The following RHCG variants were observed in gnomAD, a reference collection of about 807,000 sequenced individuals.
RHCG encodes the protein Rh family C glycoprotein, also known as ammonium transporter Rh type C.
Under a neutral mutation model 55.3 loss-of-function variants are expected in RHCG, and 39 were observed. The observed-to-expected ratio is 0.70, with a 90% CI of 0.55 to 0.92. The LOEUF is 0.92. Ranked by LOEUF, RHCG falls within the 40% of genes least tolerant of loss-of-function variation. RHCG has a pLI of 0.00. For missense variants in RHCG, 635 were observed against 627.9 expected (o/e 1.01, Z -0.12); for synonymous variants, 250 against 246.8 (o/e 1.01, Z -0.12).
In RHCG at chr15:89,483,192, C is replaced by T; in HGVS notation, c.397G>A (p.Ala133Thr). The stretch of plus-strand genomic sequence containing the variant: ...GCCCCAAAGGCCACGCAGACAGAGG[C>T]CACGCAGAAGTCAGCGTTGATGAGG... ...ENLINADFCV[A>T]SVCVAFGAVL... Residue 133 changes from alanine (A) to threonine (T), a missense_variant, in exon 3 of 11, where the codon GCC becomes ACC. Ala to Thr is a moderately conservative substitution (Grantham distance 58). Transcript: ENST00000268122. 1.3e-6 allele frequency: 2 copies of T among 1,584,166 alleles called. No individual in the cohort carries two copies. The highest frequency in any genetic ancestry group is 1.7e-6 in the Non-Finnish European group (2 of 1,155,954).
intron 1 of RHCG, among the ~76,000 whole-genome samples, chr15:89,487,266 T>G (rs1961393211): frequency 6.7e-6 from 1 of 149,970 alleles, no homozygotes; most frequent in Non-Finnish European, 1.5e-5. Flanking sequence ...CCTTAGCCTA[T>G]TTAAACCACT....
chr15:89,483,369 G>A (rs1385606440), intron 2 of RHCG, 152 bp from the exon 3 acceptor site: 2 of 659,210 alleles, frequency 3.0e-6, no homozygotes, highest in Non-Finnish European at 4.8e-6. Flanking sequence ...CTAACATTTA[G>A]AGCTACTCCA....
At chr15:89,478,933 A>T (rs1961208309) in intron 5 of RHCG, among the ~76,000 whole-genome samples, 1 of 152,114 alleles carries the variant, frequency 6.6e-6, no homozygotes, top group South Asian at 2.1e-4. Context: ...TCTACTAAAA[A>T]TACAAAAATT....
intron 2 of RHCG, chr15:89,486,558 G>C (rs954956137): frequency 1.8e-6 from 1 of 544,512 alleles, no homozygotes; most frequent in Non-Finnish European, 3.4e-6. Flanking sequence ...GAGAGAGAGA[G>C]AGAGACAGAG....
chr15:89,487,577 A>G (rs1233943539), intron 1 of RHCG, among the ~76,000 whole-genome samples: 1 of 152,064 alleles, frequency 6.6e-6, no homozygotes, highest in South Asian at 2.1e-4. Flanking sequence ...TCACATCCCC[A>G]TATCCCACCA....
chr15:89,478,050 G>A, intron 5 of RHCG, 76 bp from the exon 6 acceptor site: 4 of 1,527,150 alleles, frequency 2.6e-6, no homozygotes, highest in Non-Finnish European at 3.5e-6. Flanking sequence ...CTCACTTGCT[G>A]GCTGTGCAAG....
chr15:89,477,517 C>A lies in RHCG; in HGVS notation c.1112G>T (p.Gly371Val). Reference protein sequence around the residue: ...SASLEVYGKEGLVHSFDFQGF... With the variant: ...SASLEVYGKEVLVHSFDFQGF... ...CCCACCGCACCTCCTCCACATTTAC[C>A]CTTCTTTTCCATAGACTTCAAGGCT... The change falls in exon 7 of 11, where the codon GGG (glycine) becomes GTG (valine). Residue 371 changes from glycine to valine, a missense_variant and splice_region_variant. Coordinates refer to ENST00000268122, the MANE Select transcript of RHCG (RefSeq NM_016321.3). The surrounding 1 kb of genome is among the most constrained non-coding windows in gnomAD (Gnocchi z 4.5). 6.2e-7 allele frequency: 1 copy of A among 1,613,976 alleles called. No homozygotes were observed.
In RHCG at chr15:89,477,323, G is replaced by T; in HGVS notation, c.1113-117C>A. 1 of 1,458,526 alleles carries T rather than the reference G, an allele frequency of 6.9e-7. No homozygotes were observed. The highest frequency in any genetic ancestry group is 9.4e-7 in the Non-Finnish European group (1 of 1,062,442). The allele number at this position is 1,458,526 out of a possible 1,614,324, so 90.3% of individuals were successfully genotyped here. On this transcript the variant is annotated intron_variant, in intron 7 of 10. Coordinates refer to ENST00000268122, the MANE Select transcript of RHCG (RefSeq NM_016321.3). This position sits in a 1 kb window ranked among gnomAD's most constrained non-coding sequence, Gnocchi z 4.5. ...CCTCAGCCTTCCCACCCACAACATG[G>T]GGACACCGGACATATCAGTTGGCCT...
At chr15:89,486,599 A>AGAGAGAGAGT in intron 2 of RHCG, 200 bp downstream of exon 2, 18 of 264,490 alleles carry the variant, frequency 6.8e-5, no homozygotes, top group African/African-American at 5.9e-4. Context: ...AGAGAGAGAG[A>AGAGAGAGAGT]GTGTGTGTGT....
intron 1 of RHCG, among the ~76,000 whole-genome samples, chr15:89,492,056 T>A (rs909181542): frequency 7.9e-6 from 1 of 126,024 alleles, no homozygotes; most frequent in African/African-American, 3.1e-5. Context: ...AAGGTTGCAT[T>A]GGGTTGGCAA....
At position 89,480,377 on chromosome 15, in the gene RHCG, TG is replaced by T. The variant is rs772632396; in HGVS notation, c.553del (p.His185ThrfsTer11). The T allele has an allele frequency of 3.1e-6, 5 of 1,614,052 alleles. No individual in the cohort carries two copies. The African/African-American group carries it at 6.7e-5, about 22-fold the overall frequency. The stretch of plus-strand genomic sequence containing the variant: ...GAGCCCAAAGTAGGCGCCAAATGTG[TG>T]GATGGTCATGGAGCCTCCTGCATCC... ...VKDAGGSMTIHTFGAYFGLTV... is the reference protein window; with the variant it reads ...VKDAGGSMTIXTFGAYFGLTV... On this transcript the variant is annotated frameshift_variant, in exon 4 of 11. Transcript: ENST00000268122. LOFTEE classifies it high-confidence loss of function.
chr15:89,485,850 AGGTT>A, intron 2 of RHCG, among the ~76,000 whole-genome samples: 1 of 152,242 alleles, frequency 6.6e-6, no homozygotes, highest in Admixed American at 6.5e-5. Flanking sequence ...AAATTGCTAT[AGGTT>A]TCATAAGTTG....
In RHCG at chr15:89,472,748, G is replaced by A; in HGVS notation, c.1427C>T (p.Pro476Leu). The change falls in exon 10 of 11, where the codon CCC becomes CTC. Residue 476 changes from proline to leucine, a missense_variant. Physicochemically the swap from Pro to Leu is moderately conservative, Grantham distance 98. Transcript: ENST00000268122. ...VSPLPMASSV[P>L]LVP ...TGCCCTGGGAGCCTAGGGTACCAAGGGTACCGAGGAAGCCATGGGTAGTGG... is the reference window on the plus strand; with the variant it reads ...TGCCCTGGGAGCCTAGGGTACCAAGAGTACCGAGGAAGCCATGGGTAGTGG... 1 of 1,603,846 alleles carries A rather than the reference G, an allele frequency of 6.2e-7. No individual in the cohort carries two copies. The highest frequency in any genetic ancestry group is 8.5e-7 in the Non-Finnish European group (1 of 1,175,268).
Position 89,472,722 on chromosome 15 carries a change from C to G in RHCG, c.*13G>C, listed in dbSNP as rs1961061173. The G allele has an allele frequency of 6.2e-7, 1 of 1,610,266 alleles. No individual in the cohort carries two copies. Among genetic ancestry groups the G allele is most frequent in the Non-Finnish European group, 8.5e-7 (1 of 1,178,238 alleles). The stretch of plus-strand genomic sequence containing the variant: ...AAGCCCATGCTCACCTGCTCCTCAC[C>G]TGCCCTGGGAGCCTAGGGTACCAAG... On this transcript the variant is annotated 3_prime_UTR_variant, in exon 10 of 11. Coordinates refer to ENST00000268122, the MANE Select transcript of RHCG (RefSeq NM_016321.3).
chr15:89,492,876 G>A (rs1427416292), intron 1 of RHCG, among the ~76,000 whole-genome samples: 2 of 152,206 alleles, frequency 1.3e-5, no homozygotes, highest in Non-Finnish European at 2.9e-5. Flanking sequence ...CCCAGTGGCA[G>A]CATTTACTGT....
In RHCG at chr15:89,477,540, G is replaced by C. The variant is rs780821738; in HGVS notation, c.1089C>G (p.Ser363Arg). 2 of 1,614,012 alleles carry C rather than the reference G, an allele frequency of 1.2e-6. No individual in the cohort carries two copies. Among genetic ancestry groups the C allele is most frequent in the Non-Finnish European group, 1.7e-6 (2 of 1,180,000 alleles). ...IVGAVTAASA[S>R]LEVYGKEGLV... The stretch of plus-strand genomic sequence containing the variant: ...ACCCTTCTTTTCCATAGACTTCAAG[G>C]CTGGCGGAGGCCGCTGTCACAGCAC... Residue 363 changes from serine (S) to arginine (R), a missense_variant, in exon 7 of 11, where the codon AGC becomes AGG. Ser to Arg is a moderately radical substitution (Grantham distance 110, BLOSUM62 -1). Coordinates refer to ENST00000268122, the MANE Select transcript of RHCG (RefSeq NM_016321.3). The surrounding 1 kb of genome is among the most constrained non-coding windows in gnomAD (Gnocchi z 4.5).
At position 89,477,850 on chromosome 15, in the gene RHCG, A is replaced by G. The variant is rs537975718; in HGVS notation, c.962T>C (p.Phe321Ser). The change falls in exon 6 of 11, where the codon TTT becomes TCT. Residue 321 changes from phenylalanine to serine, a missense_variant. Physicochemically the swap from Phe to Ser is radical, Grantham distance 155. Coordinates refer to ENST00000268122, the MANE Select transcript of RHCG (RefSeq NM_016321.3). This position sits in a 1 kb window ranked among gnomAD's most constrained non-coding sequence, Gnocchi z 4.5. Reference protein sequence around the residue: ...FVCGIISTLGFVYLTPFLESR... With the variant: ...FVCGIISTLGSVYLTPFLESR... ...TGGGGCACTTACGGTCAGGTATACA[A>G]AACCCAGGGTGGAGATGATGCCGCA... The G allele has an allele frequency of 6.2e-7, 1 of 1,614,088 alleles. No individual in the cohort carries two copies. The highest frequency in any genetic ancestry group is 1.1e-5 in the South Asian group (1 of 91,076).
chr15:89,481,451 GA>G (rs796082927), intron 3 of RHCG, among the ~76,000 whole-genome samples: 122 of 129,774 alleles, frequency 9.4e-4, no homozygotes, highest in South Asian at 6.2e-3. Flanking sequence ...CTCCATCTCA[GA>G]AAAAAAAAAA....
Position 89,496,507 on chromosome 15 carries a change from A to G in RHCG, c.38T>C (p.Leu13Pro). The G allele has an allele frequency of 6.2e-7, 1 of 1,613,076 alleles. No homozygotes were observed. Among genetic ancestry groups the G allele is most frequent in the Non-Finnish European group, 8.5e-7 (1 of 1,179,792 alleles). Residue 13 changes from leucine to proline, a missense_variant, in exon 1 of 11, where the codon CTC (leucine) becomes CCC (proline). Coordinates refer to ENST00000268122, the MANE Select transcript of RHCG (RefSeq NM_016321.3). ...AATCACCTGCAGGAGCAGGCAGGTG[A>G]GCGGCAGCCGCCAGCGGAGGTTGGT... Reference protein sequence around the residue: ...WNTNLRWRLPLTCLLLQVIMV... With the variant: ...WNTNLRWRLPPTCLLLQVIMV...
Sources: gnomAD v4.1 joint callset for allele counts (sites outside exome capture counted in the v4.1 genomes callset) on GRCh38, gnomAD v4.1.1 for gene constraint, Gnocchi (gnomAD v3.1) non-coding constraint, MANE v1.5 for transcripts, NCBI Gene and HGNC (gene_info 2026-07-23, HGNC 2026-07-21) for gene names.